The following HPSE variants were observed in gnomAD, a reference collection of about 807,000 sequenced individuals.
The protein encoded by HPSE is endo-glucoronidase.
In HPSE, 48 loss-of-function variants were observed where a neutral mutation model predicts 65.1. The ratio of observed to expected loss-of-function variants is 0.74; its 90% CI spans 0.58 to 0.94. The LOEUF (loss-of-function observed/expected upper bound fraction) is 0.94, where lower values mean the gene tolerates loss of function less well. HPSE is among the 40% of genes least tolerant of loss of function. HPSE has a pLI of 0.00. For synonymous variants in HPSE, 243 were observed against 260.0 expected (o/e 0.93, Z 0.63); for missense variants, 644 against 637.5 (o/e 1.01, Z -0.11).
At position 83,334,808 on chromosome 4, in the gene HPSE, C is replaced by T. The variant is rs772630458; in HGVS notation, c.-26G>A. On this transcript the variant is annotated 5_prime_UTR_variant, in exon 1 of 12. Transcript: ENST00000311412. ...CTTGGGCTCACCTGGCTGCTCCCCCCGCCAGCTGCCGCGCAGCGGAGAGTC... is the reference window on the plus strand; with the variant it reads ...CTTGGGCTCACCTGGCTGCTCCCCCTGCCAGCTGCCGCGCAGCGGAGAGTC... The T allele has an allele frequency of 5.4e-5, 81 of 1,486,324 alleles. No individual in the cohort carries two copies. In the South Asian group the frequency reaches 1.1e-3, roughly 19 times the overall value. The allele number at this position is 1,486,324 out of a possible 1,614,324, so 92.1% of individuals were successfully genotyped here. A position where few individuals can be genotyped will look rare whatever the true frequency, so the allele number is the denominator to read the frequency against.
intron 11 of HPSE, among the ~76,000 whole-genome samples, chr4:83,297,994 C>G (rs1468616830): frequency 6.6e-6 from 1 of 152,142 alleles, no homozygotes; most frequent in Admixed American, 6.5e-5. Flanking sequence ...TGAATTAATC[C>G]TGCTGGAGAT....
chr4:83,334,521 A>T, intron 1 of HPSE, 35 bp downstream of exon 1: 1 of 1,542,192 alleles, frequency 6.5e-7, no homozygotes, highest in Non-Finnish European at 8.8e-7. Flanking sequence ...TCAGGAGGAC[A>T]GGAAAGGGGA....
rs751817401 is a variant in HPSE, at chr4:83,313,230, A to G, written c.557T>C (p.Phe186Ser). The change falls in exon 4 of 12, where the codon TTT (phenylalanine) becomes TCT (serine). Residue 186 changes from phenylalanine to serine, a missense_variant. Phe to Ser is a radical substitution (Grantham distance 155). Coordinates refer to ENST00000311412, the MANE Select transcript of HPSE (RefSeq NM_001098540.3). ...FANCSGLDLI[F>S]GLNALLRTAD... ...TGTTCTTAATAACGCATTTAGGCCAAAGATCAAGTCCAGTCCTGAGCAGTT... is the reference window on the plus strand; with the variant it reads ...TGTTCTTAATAACGCATTTAGGCCAGAGATCAAGTCCAGTCCTGAGCAGTT... 6.2e-7 allele frequency: 1 copy of G among 1,614,070 alleles called. No individual in the cohort carries two copies. The highest frequency in any genetic ancestry group is 8.5e-7 in the Non-Finnish European group (1 of 1,179,976).
chr4:83,322,964 C>A (rs2126195322), intron 1 of HPSE, among the ~76,000 whole-genome samples: 1 of 151,868 alleles, frequency 6.6e-6, no homozygotes, highest in African/African-American at 2.4e-5. Context: ...CTGTACCCAG[C>A]CAGGAGCTTA....
chr4:83,321,912 G>T (rs571112572), intron 2 of HPSE, among the ~76,000 whole-genome samples: 48 of 147,054 alleles, frequency 3.3e-4, no homozygotes, highest in African/African-American at 1.1e-3. Flanking sequence ...CCTCCAAGCA[G>T]TTCTATCCTT....
chr4:83,334,830 A>T lies in HPSE; in HGVS notation c.-48T>A. The stretch of plus-strand genomic sequence containing the variant: ...CCCCGCCAGCTGCCGCGCAGCGGAG[A>T]GTCGAGAGCTCTAGCACTTCCTCCC... On this transcript the variant is annotated 5_prime_UTR_variant, in exon 1 of 12. Transcript: ENST00000311412. The T allele has an allele frequency of 6.8e-7, 1 of 1,469,514 alleles. No homozygotes were observed. Among genetic ancestry groups the T allele is most frequent in the East Asian group, 2.5e-5 (1 of 40,206 alleles). 91.0% of individuals were successfully genotyped at this position (1,469,514 alleles called of 1,614,324 possible). A position where few individuals can be genotyped will look rare whatever the true frequency, so the allele number is the denominator to read the frequency against.
chr4:83,326,211 T>C lies in HPSE; in HGVS notation c.228-3847A>G, dbSNP rs917311373. Among the ~76,000 whole-genome samples, 5 of 152,076 alleles carry C rather than the reference T, an allele frequency of 3.3e-5. No homozygotes were observed. The highest frequency in any genetic ancestry group is 1.2e-4 in the African/African-American group (5 of 41,394). ...AAGACACACTTAGAGGTAGAAATAA[T>C]AGATTTGAGTTTTTAAAATAACTTT... On this transcript the variant is annotated intron_variant, in intron 1 of 11. Transcript: ENST00000311412. The surrounding 1 kb of genome is among the most constrained non-coding windows in gnomAD (Gnocchi z 4.2).
intron 1 of HPSE, among the ~76,000 whole-genome samples, chr4:83,329,949 T>C (rs1214486359): frequency 1.3e-5 from 2 of 152,158 alleles, no homozygotes; most frequent in African/African-American, 2.4e-5. Flanking sequence ...CACTGAGTCA[T>C]GGCATCACCC....
chr4:83,310,605 G>A (rs942875159), intron 5 of HPSE, 117 bp downstream of exon 5: 42 of 896,206 alleles, frequency 4.7e-5, no homozygotes, highest in East Asian at 7.4e-5. Flanking sequence ...CTGGGAGGTC[G>A]AAGTTGCAGT....
intron 1 of HPSE, 77 bp from the exon 2 acceptor site, chr4:83,322,441 C>G: frequency 8.5e-7 from 1 of 1,183,318 alleles, no homozygotes; most frequent in South Asian, 1.6e-5. Context: ...TTCCTTCTTT[C>G]CTGGTGGACC....
intron 2 of HPSE, among the ~76,000 whole-genome samples, chr4:83,320,426 C>T (rs1271815875): frequency 4.6e-5 from 7 of 152,116 alleles, no homozygotes; most frequent in Admixed American, 3.3e-4. Flanking sequence ...CTTAGCTGGG[C>T]GTGGTGGTGT....
At chr4:83,330,477 T>A (rs1737320761) in intron 1 of HPSE, among the ~76,000 whole-genome samples, 1 of 152,232 alleles carries the variant, frequency 6.6e-6, no homozygotes, top group Non-Finnish European at 1.5e-5. Flanking sequence ...CCTTTGGCTG[T>A]GAATATTTCT....
At chr4:83,319,969 G>A (rs145928401) in intron 2 of HPSE, among the ~76,000 whole-genome samples, 8 of 148,598 alleles carry the variant, frequency 5.4e-5, no homozygotes, top group African/African-American at 1.5e-4. Flanking sequence ...GCAGTGAGCC[G>A]AGATCACGTC....
chr4:83,309,294 C>T, intron 7 of HPSE, 108 bp downstream of exon 7: 1 of 662,108 alleles, frequency 1.5e-6, no homozygotes, highest in South Asian at 2.1e-5. Context: ...TGCTTGTTCT[C>T]TAAAATTAGA....
intron 1 of HPSE, among the ~76,000 whole-genome samples, chr4:83,330,297 G>A (rs186291518): frequency 3.9e-5 from 6 of 152,340 alleles, no homozygotes; most frequent in African/African-American, 1.2e-4. Flanking sequence ...GGACAAGGAG[G>A]TAGAGGAGAT....
At chr4:83,321,020 A>G (rs548890642) in intron 2 of HPSE, among the ~76,000 whole-genome samples, 13 of 152,248 alleles carry the variant, frequency 8.5e-5, no homozygotes, top group African/African-American at 3.1e-4. Flanking sequence ...GATAACATAG[A>G]AAGACTGTCT....
In HPSE at chr4:83,301,030, A is replaced by G; in HGVS notation, c.1402T>C (p.Tyr468His). Residue 468 changes from tyrosine to histidine, a missense_variant, in exon 11 of 12, where the codon TAT becomes CAT. Transcript: ENST00000311412. ...HNVTKYLRLP[Y>H]PFSNKQVDKY... ...TCCACTTGCTTGTTAGAAAAAGGAT[A>G]GGGTAACCGCAAGTACTTGGTGACA... The G allele has an allele frequency of 1.2e-6, 2 of 1,606,830 alleles. No individual in the cohort carries two copies. Among genetic ancestry groups the G allele is most frequent in the Non-Finnish European group, 1.7e-6 (2 of 1,174,278 alleles).
chr4:83,308,096 ATTT>A (rs70946997), intron 8 of HPSE, among the ~76,000 whole-genome samples: 1 of 145,090 alleles, frequency 6.9e-6, no homozygotes, highest in Non-Finnish European at 1.5e-5. Flanking sequence ...TCTAACTTGC[ATTT>A]TTTTTTTTTT....
intron 11 of HPSE, among the ~76,000 whole-genome samples, chr4:83,299,389 A>G (rs1158320948): frequency 2.1e-5 from 3 of 142,130 alleles, no homozygotes; most frequent in Non-Finnish European, 4.6e-5. Flanking sequence ...AAAAAAAAAA[A>G]GAAGAAAGAG....
Sources: allele counts gnomAD v4.1 joint callset (sites outside exome capture counted in the v4.1 genomes callset), GRCh38; gene constraint gnomAD v4.1.1; non-coding constraint Gnocchi (gnomAD v3.1); transcripts MANE v1.5; gene names NCBI Gene and HGNC (gene_info 2026-07-23, HGNC 2026-07-21).